PGLYRP4: variants seen among roughly 807,000 people sequenced by gnomAD.
PGLYRP4 encodes the protein PGRP-I-beta.
Under a neutral mutation model 41.2 loss-of-function variants are expected in PGLYRP4, and 39 were observed. The observed-to-expected ratio is 0.95, with a 90% CI of 0.73 to 1.24. PGLYRP4 has a LOEUF of 1.24. Among genes scored for constraint, PGLYRP4 ranks in the 50% most tolerant of loss-of-function variants. The probability of loss-of-function intolerance (pLI) is 0.00; values close to 1 mark genes in which losing one functional copy is unlikely to be tolerated. For synonymous variants in PGLYRP4, 202 were observed against 186.8 expected (o/e 1.08, Z -0.66); for missense variants, 467 against 460.7 (o/e 1.01, Z -0.13).
intron 2 of PGLYRP4, among the ~76,000 whole-genome samples, chr1:153,346,683 G>C (rs1306555436): frequency 6.6e-6 from 1 of 152,218 alleles, no homozygotes; most frequent in Non-Finnish European, 1.5e-5. Context: ...GATGGGCAGG[G>C]TGTTGATTGA....
At chr1:153,339,699 T>C (rs1416004909) in intron 7 of PGLYRP4, among the ~76,000 whole-genome samples, 6 of 152,176 alleles carry the variant, frequency 3.9e-5, no homozygotes, top group Non-Finnish European at 7.3e-5. Flanking sequence ...TTAAAATCAA[T>C]ACTTTTTAAT....
chr1:153,345,238 C>T lies in PGLYRP4; in HGVS notation c.284G>A (p.Cys95Tyr), dbSNP rs1324128619. 1 of 1,614,138 alleles carries T rather than the reference C, an allele frequency of 6.2e-7. No homozygotes were observed. Among genetic ancestry groups the T allele is most frequent in the Admixed American group, 1.7e-5 (1 of 60,022 alleles). The change falls in exon 4 of 9, where the codon TGC becomes TAC. Residue 95 changes from cysteine to tyrosine, a missense_variant. Transcript: ENST00000359650. ...CTGCAGTTCCCGCAGTCTCTGGCTGCAGACTGTCTGGTCGTGACACTCCAG... is the reference window on the plus strand; with the variant it reads ...CTGCAGTTCCCGCAGTCTCTGGCTGTAGACTGTCTGGTCGTGACACTCCAG... ...PGLECHDQTV[C>Y]SQRLRELQAH...
chr1:153,332,725 G>A (rs1007800848), intron 8 of PGLYRP4, among the ~76,000 whole-genome samples: 1 of 152,002 alleles, frequency 6.6e-6, no homozygotes, highest in East Asian at 1.9e-4. Flanking sequence ...AATACCAAGA[G>A]TAACTCTCAA....
chr1:153,331,030 C>G (rs1660315218), intron 8 of PGLYRP4, 85 bp from the exon 9 acceptor site: 1 of 1,129,274 alleles, frequency 8.9e-7, no homozygotes, highest in Admixed American at 2.3e-5. Flanking sequence ...CCCTCATCAC[C>G]AAGCTAATAG....
intron 1 of PGLYRP4, 93 bp from the exon 2 acceptor site, chr1:153,348,071 A>C (rs1571145989): frequency 2.9e-6 from 2 of 692,722 alleles, no homozygotes. Context: ...TGCCTCCTCT[A>C]CCATCCTGTG....
chr1:153,343,388 A>G (rs1225200389), intron 4 of PGLYRP4, among the ~76,000 whole-genome samples, 180 bp from the exon 5 acceptor site: 1 of 152,234 alleles, frequency 6.6e-6, no homozygotes, highest in Non-Finnish European at 1.5e-5. Flanking sequence ...CTTAGAATTC[A>G]GAAGGACCCA....
At chr1:153,338,559 T>A (rs1388397414) in intron 7 of PGLYRP4, among the ~76,000 whole-genome samples, 1 of 152,236 alleles carries the variant, frequency 6.6e-6, no homozygotes. Context: ...AAAATCCTTC[T>A]GACATGGACT....
At chr1:153,333,980 T>C (rs974762937) in intron 8 of PGLYRP4, among the ~76,000 whole-genome samples, 2 of 152,054 alleles carry the variant, frequency 1.3e-5, no homozygotes, top group Non-Finnish European at 2.9e-5. Context: ...GTTGAAAACA[T>C]TCCCCCTAAG....
intron 7 of PGLYRP4, among the ~76,000 whole-genome samples, 153 bp downstream of exon 7, chr1:153,340,228 G>A (rs982562553): frequency 2.0e-5 from 3 of 152,124 alleles, no homozygotes; most frequent in African/African-American, 7.2e-5. Flanking sequence ...GAAAGACCCA[G>A]GCAGGGTCGT....
chr1:153,333,815 A>G (rs1660432583), intron 8 of PGLYRP4, among the ~76,000 whole-genome samples: 1 of 152,170 alleles, frequency 6.6e-6, no homozygotes, highest in Non-Finnish European at 1.5e-5. Flanking sequence ...AACAAAAACT[A>G]TATAATAGTT....
intron 7 of PGLYRP4, among the ~76,000 whole-genome samples, chr1:153,337,615 TCTCTAAC>T (rs1415881990): frequency 2.0e-5 from 3 of 152,044 alleles, no homozygotes; most frequent in Non-Finnish European, 1.5e-5. Flanking sequence ...AATTCCAGAA[TCTCTAAC>T]AATCAGCTCT....
intron 4 of PGLYRP4, among the ~76,000 whole-genome samples, chr1:153,344,446 G>A (rs536912585): frequency 6.6e-6 from 1 of 152,136 alleles, no homozygotes; most frequent in South Asian, 2.1e-4. Context: ...GGGTTGAGGA[G>A]GCTACACACC....
intron 6 of PGLYRP4, 100 bp from the exon 7 acceptor site, chr1:153,340,679 C>T: frequency 8.2e-7 from 1 of 1,221,410 alleles, no homozygotes; most frequent in Non-Finnish European, 1.1e-6. Flanking sequence ...CTCAACTTCC[C>T]AAACCCCTCT....
At position 153,330,776 on chromosome 1, in the gene PGLYRP4, G is replaced by C; in HGVS notation, c.1113C>G (p.Phe371Leu). The stretch of plus-strand genomic sequence containing the variant: ...GGACCTGGGGCTTCTCTCAGTGTTT[G>C]AAATGAGGCCAGGTGCTGATGATGT... ...LYNIISTWPH[F>L]KH is the part of the protein sequence containing the mutation. The change falls in exon 9 of 9, where the codon TTC becomes TTG. Residue 371 changes from phenylalanine to leucine, a missense_variant. Phe to Leu is a conservative substitution (Grantham distance 22). Coordinates refer to ENST00000359650, the MANE Select transcript of PGLYRP4 (RefSeq NM_020393.4). 1.9e-6 allele frequency: 3 copies of C among 1,613,052 alleles called. No individual in the cohort carries two copies. The highest frequency in any genetic ancestry group is 2.5e-6 in the Non-Finnish European group (3 of 1,179,228).
intron 6 of PGLYRP4, 151 bp downstream of exon 6, chr1:153,341,476 G>T (rs1259001460): frequency 1.7e-5 from 12 of 694,892 alleles, no homozygotes; most frequent in Non-Finnish European, 2.9e-5. Context: ...CTCAAGATTT[G>T]CCAGCCCCAA....
chr1:153,336,045 CGT>C (rs57345412), intron 8 of PGLYRP4, among the ~76,000 whole-genome samples: 12,565 of 150,368 alleles, frequency 0.084, 601 homozygotes, highest in African/African-American at 0.14. Context: ...AGGGTGCGTG[CGT>C]GTGTGTGTGT....
At chr1:153,337,572 C>G (rs1660621194) in intron 7 of PGLYRP4, among the ~76,000 whole-genome samples, 1 of 152,140 alleles carries the variant, frequency 6.6e-6, no homozygotes, top group South Asian at 2.1e-4. Flanking sequence ...TAGCAGATTT[C>G]AGGTGACCAA....
In PGLYRP4 at chr1:153,345,060, T is replaced by C. The variant is rs1660945544; in HGVS notation, c.353+109A>G. The C allele has an allele frequency of 6.2e-6, 5 of 805,372 alleles. No individual in the cohort carries two copies. In the South Asian group the frequency reaches 6.6e-5, roughly 11 times the overall value. 49.9% of individuals were successfully genotyped at this position (805,372 alleles called of 1,614,324 possible). The stretch of plus-strand genomic sequence containing the variant: ...TAAATATTTTATTCATTATAAAACA[T>C]ATAGGACCACAACCCAGAAAATGAG... On this transcript the variant is annotated intron_variant, in intron 4 of 8. Transcript: ENST00000359650.
chr1:153,330,766 C>T lies in PGLYRP4; in HGVS notation c.*1G>A. 1 of 1,611,960 alleles carries T rather than the reference C, an allele frequency of 6.2e-7. No homozygotes were observed. Among genetic ancestry groups the T allele is most frequent in the Non-Finnish European group, 8.5e-7 (1 of 1,178,412 alleles). Reference sequence around the variant, plus strand: ...AGTCTCAGAAGGACCTGGGGCTTCTCTCAGTGTTTGAAATGAGGCCAGGTG... The same window carrying T: ...AGTCTCAGAAGGACCTGGGGCTTCTTTCAGTGTTTGAAATGAGGCCAGGTG... On this transcript the variant is annotated 3_prime_UTR_variant, in exon 9 of 9. Coordinates refer to ENST00000359650, the MANE Select transcript of PGLYRP4 (RefSeq NM_020393.4).
Sources: gnomAD v4.1 joint callset for allele counts (sites outside exome capture counted in the v4.1 genomes callset) on GRCh38, gnomAD v4.1.1 for gene constraint, MANE v1.5 for transcripts, NCBI Gene and HGNC (gene_info 2026-07-23, HGNC 2026-07-21) for gene names.